Variants in SNTG1 observed in about 807,000 individuals in gnomAD.
The protein encoded by SNTG1 is syntrophin gamma 1, also known as gamma-1-syntrophin.
A neutral mutation model predicts 74.7 loss-of-function variants in SNTG1; 39 were observed. The observed-to-expected ratio is 0.52, with a 90% CI of 0.40 to 0.68. SNTG1 has a LOEUF of 0.68. SNTG1 is among the 30% of genes least tolerant of loss of function. The pLI is 0.00. For synonymous variants in SNTG1, 254 were observed against 217.1 expected, an observed-to-expected ratio of 1.17 and a Z score of -1.49; for missense variants, 685 against 609.5, an observed-to-expected ratio of 1.12 and a Z score of -1.30.
At chr8:50,468,072 T>G (rs1435569310) in intron 8 of SNTG1, among the ~76,000 whole-genome samples, 1 of 151,896 alleles carries the variant, frequency 6.6e-6, no homozygotes, top group Non-Finnish European at 1.5e-5. Flanking sequence ...TCTGCTTTTA[T>G]AAATTTTCCA....
intron 2 of SNTG1, among the ~76,000 whole-genome samples, chr8:50,390,199 G>A (rs982190419): frequency 1.3e-5 from 2 of 152,058 alleles, no homozygotes; most frequent in African/African-American, 4.8e-5. Flanking sequence ...TTTTCTTCTA[G>A]GGTTTTTATA....
intron 1 of SNTG1, among the ~76,000 whole-genome samples, chr8:50,056,050 C>T (rs754847565): frequency 6.6e-6 from 1 of 152,070 alleles, no homozygotes; most frequent in Non-Finnish European, 1.5e-5. Context: ...CCTTTCCGTA[C>T]ATGCATTTTG....
chr8:50,775,673 G>A (rs751014264), intron 18 of SNTG1, among the ~76,000 whole-genome samples: 3 of 151,588 alleles, frequency 2.0e-5, no homozygotes, highest in Non-Finnish European at 4.4e-5. Flanking sequence ...TCCTGTTGAT[G>A]TTCTGTTTAA....
At chr8:50,256,841 A>G (rs1034233980) in intron 2 of SNTG1, among the ~76,000 whole-genome samples, 2 of 152,064 alleles carry the variant, frequency 1.3e-5, no homozygotes, top group East Asian at 1.9e-4. Context: ...TCCTAAGAGC[A>G]TACGTCAAAT....
intron 1 of SNTG1, among the ~76,000 whole-genome samples, chr8:50,006,588 T>A (rs1172015253): frequency 6.6e-6 from 1 of 152,196 alleles, no homozygotes; most frequent in Non-Finnish European, 1.5e-5. Flanking sequence ...AGCACATAGG[T>A]CCTGGCCTAG....
intron 1 of SNTG1, among the ~76,000 whole-genome samples, chr8:50,052,347 G>A (rs561171288): frequency 3.9e-5 from 6 of 152,058 alleles, no homozygotes; most frequent in East Asian, 1.9e-4. Flanking sequence ...TTTATCCAAC[G>A]GCACAAGGAC....
At chr8:50,381,594 A>G (rs34872307) in intron 2 of SNTG1, among the ~76,000 whole-genome samples, 2,819 of 111,230 alleles carry the variant, frequency 0.025, 94 homozygotes, top group African/African-American at 0.067. Flanking sequence ...GTGTGTGTGT[A>G]TATATATATA....
chr8:50,074,495 G>C (rs1821648757), intron 1 of SNTG1, among the ~76,000 whole-genome samples: 2 of 152,156 alleles, frequency 1.3e-5, no homozygotes, highest in Admixed American at 6.5e-5. Flanking sequence ...AGTAGAGTGA[G>C]AGAGATAGAG....
chr8:50,075,536 A>C (rs1372824868), intron 1 of SNTG1, among the ~76,000 whole-genome samples: 1 of 152,186 alleles, frequency 6.6e-6, no homozygotes, highest in Non-Finnish European at 1.5e-5. Context: ...GCTTTCTGTA[A>C]AATGGACCAA....
intron 2 of SNTG1, among the ~76,000 whole-genome samples, chr8:50,178,107 G>A (rs374565869): frequency 1.3e-5 from 2 of 151,898 alleles, no homozygotes; most frequent in Non-Finnish European, 2.9e-5. Context: ...TTATTCATTC[G>A]TCTTCTGAAG....
chr8:50,544,353 T>A (rs2094370632), intron 11 of SNTG1, among the ~76,000 whole-genome samples: 1 of 152,038 alleles, frequency 6.6e-6, no homozygotes, highest in Non-Finnish European at 1.5e-5. Flanking sequence ...GTATGTTAGA[T>A]ATTTCAAAAT....
intron 2 of SNTG1, among the ~76,000 whole-genome samples, chr8:50,369,420 A>T (rs1261365515): frequency 6.6e-6 from 1 of 152,070 alleles, no homozygotes; most frequent in African/African-American, 2.4e-5. Flanking sequence ...AACATGGGGA[A>T]ACCCCATCTC....
chr8:50,414,731 TTG>T (rs139542825), intron 4 of SNTG1, among the ~76,000 whole-genome samples: 1 of 151,874 alleles, frequency 6.6e-6, no homozygotes, highest in Non-Finnish European at 1.5e-5. Flanking sequence ...TCAAGATTAG[TTG>T]TGTGTGTGTG....
intron 9 of SNTG1, among the ~76,000 whole-genome samples, chr8:50,525,143 G>T (rs966862542): frequency 6.6e-6 from 1 of 151,998 alleles, no homozygotes; most frequent in Non-Finnish European, 1.5e-5. Context: ...GGTTTGCTGG[G>T]TATGGTATTC....
intron 18 of SNTG1, among the ~76,000 whole-genome samples, chr8:50,752,632 A>G (rs2095570487): frequency 6.6e-6 from 1 of 151,992 alleles, no homozygotes; most frequent in Non-Finnish European, 1.5e-5. Context: ...CAAAGTGAAA[A>G]AATTGTATCT....
intron 17 of SNTG1, 57 bp from the exon 18 acceptor site, chr8:50,751,944 G>C: frequency 9.8e-7 from 1 of 1,020,086 alleles, no homozygotes; most frequent in Non-Finnish European, 1.4e-6. Flanking sequence ...ACTATTTCTT[G>C]ATTTGAAAGC....
At chr8:50,355,613 G>T (rs962359162) in intron 2 of SNTG1, among the ~76,000 whole-genome samples, 1 of 152,084 alleles carries the variant, frequency 6.6e-6, no homozygotes, top group Non-Finnish European at 1.5e-5. Flanking sequence ...AAAATGTTTT[G>T]CTCCAGAACT....
chr8:50,225,544 C>A (rs1285417871), intron 2 of SNTG1, among the ~76,000 whole-genome samples: 1 of 152,094 alleles, frequency 6.6e-6, no homozygotes, highest in Non-Finnish European at 1.5e-5. Flanking sequence ...TTTTGTCTCC[C>A]TAAAATGTAT....
At chr8:50,722,783 T>A (rs2095490922) in intron 17 of SNTG1, among the ~76,000 whole-genome samples, 1 of 152,178 alleles carries the variant, frequency 6.6e-6, no homozygotes. Context: ...TACTTTCAGG[T>A]TTTGCGTATG....
Sources: gnomAD v4.1 joint callset for allele counts (sites outside exome capture counted in the v4.1 genomes callset) on GRCh38, gnomAD v4.1.1 for gene constraint, MANE v1.5 for transcripts, NCBI Gene and HGNC (gene_info 2026-07-23, HGNC 2026-07-21) for gene names.